Variants in TMED5 observed in about 807,000 individuals in gnomAD.
The protein encoded by TMED5 is transmembrane emp24 domain-containing protein 5.
TMED5 carries 27 observed loss-of-function variants against 23.0 expected under a neutral mutation model. That is an observed-to-expected ratio of 1.17 (90% CI 0.86 to 1.62). The LOEUF (loss-of-function observed/expected upper bound fraction) is 1.62. Among genes scored for constraint, TMED5 ranks in the 40% most tolerant of loss-of-function variants. The pLI, the probability that TMED5 is intolerant of heterozygous loss-of-function variation, is 0.00. For missense variants in TMED5, 248 were observed against 273.7 expected (o/e 0.91, Z 0.66); for synonymous variants, 97 against 100.8 (o/e 0.96, Z 0.23).
intron 1 of TMED5, among the ~76,000 whole-genome samples, chr1:93,166,892 T>A (rs1173868016): frequency 6.6e-6 from 1 of 152,222 alleles, no homozygotes; most frequent in Non-Finnish European, 1.5e-5. Context: ...TTTCATAGTT[T>A]GAGGTCTTAG....
Position 93,151,277 on chromosome 1 carries a change from A to G in TMED5, c.*3393T>C, listed in dbSNP as rs192611254. ...AAGGATTTCTACCAGCTTGTGGTAGAAGAGTGGCTTGTCTGGATGGTTTGA... is the reference window on the plus strand; with the variant it reads ...AAGGATTTCTACCAGCTTGTGGTAGGAGAGTGGCTTGTCTGGATGGTTTGA... On this transcript the variant is annotated 3_prime_UTR_variant, in exon 4 of 4. Transcript: ENST00000370282. 2.0e-5 allele frequency: 3 copies of G among 152,374 alleles called. No homozygotes were observed. The East Asian group carries it at 5.8e-4, about 29-fold the overall frequency. The allele number at this position is 152,374 out of a possible 1,614,324, so 9.4% of individuals were successfully genotyped here.
Position 93,180,045 on chromosome 1 carries a change from C to T in TMED5, c.189+9G>A, listed in dbSNP as rs773305689. The stretch of plus-strand genomic sequence containing the variant: ...AAAGGAAGGAGGCTGGTTTATCCTC[C>T]GCACTTACTTGGTACTCGATCTCCA... On this transcript the variant is annotated intron_variant, in intron 1 of 3. Coordinates refer to ENST00000370282, the MANE Select transcript of TMED5 (RefSeq NM_016040.5). 10 of 1,611,100 alleles carry T rather than the reference C, an allele frequency of 6.2e-6. No homozygotes were observed. Among genetic ancestry groups the T allele is most frequent in the South Asian group, 1.1e-5 (1 of 90,836 alleles).
At chr1:93,178,328 A>C (rs1317939217) in intron 1 of TMED5, among the ~76,000 whole-genome samples, 2 of 152,148 alleles carry the variant, frequency 1.3e-5, no homozygotes, top group East Asian at 3.9e-4. Flanking sequence ...TATTTTAAGA[A>C]CTATGGATCT....
intron 1 of TMED5, among the ~76,000 whole-genome samples, chr1:93,173,104 T>G (rs1388384313): frequency 1.3e-5 from 2 of 150,756 alleles, no homozygotes; most frequent in African/African-American, 2.4e-5. Context: ...GTACAAAGTT[T>G]CTGATAGACA....
intron 1 of TMED5, among the ~76,000 whole-genome samples, chr1:93,172,275 G>A (rs1199431334): frequency 6.6e-6 from 1 of 152,016 alleles, no homozygotes; most frequent in African/African-American, 2.4e-5. Flanking sequence ...AAATAAAACT[G>A]TCCTTGTGAT....
intron 1 of TMED5, among the ~76,000 whole-genome samples, chr1:93,167,780 C>A (rs1648560469): frequency 1.3e-5 from 2 of 152,174 alleles, no homozygotes; most frequent in Admixed American, 6.5e-5. Context: ...GCTAGGACTT[C>A]CAGTACTATG....
At chr1:93,179,913 G>A in intron 1 of TMED5, 141 bp downstream of exon 1, 1 of 895,774 alleles carries the variant, frequency 1.1e-6, no homozygotes, top group Non-Finnish European at 1.6e-6. Context: ...TCGCGCGCCT[G>A]CGCGGAGCGG....
chr1:93,162,410 A>G (rs1648313665), intron 1 of TMED5: 1 of 152,358 alleles, frequency 6.6e-6, no homozygotes, highest in African/African-American at 2.4e-5. Flanking sequence ...CAGCCTGGCC[A>G]ACATGGCAAA....
At chr1:93,161,157 C>CT (rs1648261151) in intron 1 of TMED5, 1 of 152,032 alleles carries the variant, frequency 6.6e-6, no homozygotes, top group Non-Finnish European at 1.5e-5. Context: ...GTCTTAAATG[C>CT]TTTATGTGGA....
At chr1:93,158,580 T>G (rs1178800087) in intron 2 of TMED5, among the ~76,000 whole-genome samples, 1 of 150,918 alleles carries the variant, frequency 6.6e-6, no homozygotes, top group Non-Finnish European at 1.5e-5. Flanking sequence ...ATTTTTAGTT[T>G]TGTTTTTTTT....
intron 1 of TMED5, among the ~76,000 whole-genome samples, chr1:93,170,479 T>G (rs1187959204): frequency 6.6e-6 from 1 of 152,300 alleles, no homozygotes; most frequent in African/African-American, 2.4e-5. Context: ...GCTTGGGACC[T>G]GCAGCCCGCC....
At chr1:93,158,006 C>A (rs1014351270) in intron 2 of TMED5, among the ~76,000 whole-genome samples, 1 of 151,850 alleles carries the variant, frequency 6.6e-6, no homozygotes, top group African/African-American at 2.4e-5. Context: ...CGCCTGTAGT[C>A]CCAGCTACTC....
At chr1:93,178,228 C>G (rs926738492) in intron 1 of TMED5, among the ~76,000 whole-genome samples, 4 of 152,160 alleles carry the variant, frequency 2.6e-5, no homozygotes, top group Non-Finnish European at 5.9e-5. Context: ...TTCTGCTACT[C>G]CCACCCTAGA....
chr1:93,172,936 G>A lies in TMED5; in HGVS notation c.189+7118C>T, dbSNP rs563117619. Among the ~76,000 whole-genome samples the A allele has an allele frequency of 3.8e-4, 58 of 152,272 alleles. 2 individuals carry two copies. In the South Asian group the frequency reaches 0.012, roughly 32 times the overall value. ...GAGGACATTACACTAAGTGAAATAAGCCAGGGACAGAAAGACAAATACTGC... is the reference window on the plus strand; with the variant it reads ...GAGGACATTACACTAAGTGAAATAAACCAGGGACAGAAAGACAAATACTGC... On this transcript the variant is annotated intron_variant, in intron 1 of 3. Coordinates refer to ENST00000370282, the MANE Select transcript of TMED5 (RefSeq NM_016040.5).
At chr1:93,158,582 G>GT (rs1208119907) in intron 2 of TMED5, among the ~76,000 whole-genome samples, 9 of 149,314 alleles carry the variant, frequency 6.0e-5, no homozygotes, top group Non-Finnish European at 7.4e-5. Flanking sequence ...TTTTAGTTTT[G>GT]TTTTTTTTTT....
chr1:93,156,823 AAAAAAG>A (rs1648091610), intron 2 of TMED5, among the ~76,000 whole-genome samples: 1 of 151,304 alleles, frequency 6.6e-6, no homozygotes, highest in South Asian at 2.1e-4. Context: ...AAAAAAAAAA[AAAAAAG>A]AAACCAACAA....
At chr1:93,166,358 T>C (rs577825099) in intron 1 of TMED5, among the ~76,000 whole-genome samples, 3 of 152,326 alleles carry the variant, frequency 2.0e-5, no homozygotes, top group Non-Finnish European at 4.4e-5. Flanking sequence ...TCCATAGTGG[T>C]TGTACTAATC....
In TMED5 at chr1:93,150,565, C is replaced by T. The variant is rs985908060; in HGVS notation, c.*4105G>A. 6.6e-6 allele frequency: 1 copy of T among 152,190 alleles called. No homozygotes were observed. Among genetic ancestry groups the T allele is most frequent in the Non-Finnish European group, 1.5e-5 (1 of 68,044 alleles). 9.4% of individuals were successfully genotyped at this position (152,190 alleles called of 1,614,324 possible). ...GTGGCTCTACTATTTCATATCTCAC[C>T]AGCAACGTATGAGTGGTCCACTTAT... is the stretch of plus-strand genomic sequence containing the variant. On this transcript the variant is annotated 3_prime_UTR_variant, in exon 4 of 4. Coordinates refer to ENST00000370282, the MANE Select transcript of TMED5 (RefSeq NM_016040.5).
chr1:93,168,652 G>T (rs943465559), intron 1 of TMED5, among the ~76,000 whole-genome samples: 2 of 152,076 alleles, frequency 1.3e-5, no homozygotes, highest in African/African-American at 4.8e-5. Context: ...TGGCTAACAT[G>T]GTGAAACACC....
Sources: gnomAD v4.1 joint callset for allele counts (sites outside exome capture counted in the v4.1 genomes callset) on GRCh38, gnomAD v4.1.1 for gene constraint, MANE v1.5 for transcripts, NCBI Gene and HGNC (gene_info 2026-07-23, HGNC 2026-07-21) for gene names.